Variants in FGF13 observed in about 807,000 individuals in gnomAD.
FGF13 encodes fibroblast growth factor 13.
FGF13 carries 2 observed loss-of-function variants against 19.5 expected under a neutral mutation model. The ratio of observed to expected loss-of-function variants is 0.10; its 90% confidence interval spans 0.04 to 0.32. The LOEUF is 0.32. FGF13 is among the 10% of genes least tolerant of loss of function. The pLI is 1.00. For synonymous variants in FGF13, 72 were observed against 76.9 expected, an observed-to-expected ratio of 0.94 and a Z score of 0.33; for missense variants, 113 against 192.7, an observed-to-expected ratio of 0.59 and a Z score of 2.45.
chrX:138,754,239 G>A (rs1419883089), intron 3 of FGF13, among the ~76,000 whole-genome samples: 1 of 111,719 alleles, frequency 9.0e-6, no homozygotes, highest in Non-Finnish European at 1.9e-5. Flanking sequence ...ATAATTCAGT[G>A]TATGCATATA....
chrX:138,773,877 C>A (rs1416856703), intron 3 of FGF13, among the ~76,000 whole-genome samples: 2 of 111,927 alleles, frequency 1.8e-5, no homozygotes, highest in East Asian at 5.6e-4. Flanking sequence ...GCTATTTCAG[C>A]TGATTTTGTT....
At chrX:138,734,781 C>T (rs2090260271) in intron 1 of FGF13, among the ~76,000 whole-genome samples, 2 of 111,957 alleles carry the variant, frequency 1.8e-5, no homozygotes, top group South Asian at 7.4e-4. Context: ...TAGAAGCTAG[C>T]TGGGCAGCCA....
intron 1 of FGF13, among the ~76,000 whole-genome samples, chrX:139,134,068 T>C (rs1034684363): frequency 9.0e-6 from 1 of 111,586 alleles, no homozygotes; most frequent in East Asian, 2.9e-4. Context: ...TCTTTCCATT[T>C]TTCCCACCTG....
intron 1 of FGF13, among the ~76,000 whole-genome samples, chrX:138,959,122 G>A (rs750642694): frequency 1.3e-4 from 14 of 111,418 alleles, no homozygotes; most frequent in South Asian, 3.8e-4. Context: ...TTAGGGTGTC[G>A]ATTTTAGATC....
Position 138,798,338 on chromosome X carries a change from G to T in FGF13, c.217+59174C>A, listed in dbSNP as rs747171327. 3.6e-5 allele frequency among the ~76,000 whole-genome samples: 4 copies of T among 111,821 alleles called. No homozygotes were observed. In the South Asian group the frequency reaches 1.5e-3, roughly 42 times the overall value. On this transcript the variant is annotated intron_variant, in intron 3 of 6. Coordinates refer to the FGF13 transcript ENST00000436198. ...GATAAACCATGAGGTTTTTGTCATT[G>T]GATCTGTTTATGTGATGGATTACAT...
intron 1 of FGF13, chrX:138,985,176 A>T (rs1329834138): frequency 3.6e-6 from 1 of 278,269 alleles, no homozygotes; most frequent in Non-Finnish European, 7.0e-6. Flanking sequence ...GATCACACTG[A>T]ATATGTTGTG....
intron 1 of FGF13, among the ~76,000 whole-genome samples, chrX:138,963,361 A>G (rs2091882483): frequency 8.9e-6 from 1 of 112,677 alleles, no homozygotes; most frequent in African/African-American, 3.2e-5. Context: ...TTTGCTTTGC[A>G]TTGACTAGCC....
intron 3 of FGF13, among the ~76,000 whole-genome samples, chrX:138,649,479 C>G (rs1421618866): frequency 1.8e-5 from 2 of 111,410 alleles, no homozygotes; most frequent in Non-Finnish European, 1.9e-5. Flanking sequence ...CAGGGTGTAC[C>G]AGATATACAT....
intron 1 of FGF13, among the ~76,000 whole-genome samples, chrX:139,105,923 C>T (rs991990468): frequency 8.9e-6 from 1 of 111,906 alleles, no homozygotes; most frequent in Non-Finnish European, 1.9e-5. Context: ...AAGTAAACTT[C>T]CCTCAAGAAA....
At chrX:139,083,062 C>T (rs1002793583) in intron 1 of FGF13, among the ~76,000 whole-genome samples, 1 of 110,624 alleles carries the variant, frequency 9.0e-6, no homozygotes, top group African/African-American at 3.3e-5. Flanking sequence ...GCTTATAGTG[C>T]TCGCTTTCTG....
chrX:138,821,928 C>G (rs775869368), intron 3 of FGF13, among the ~76,000 whole-genome samples: 1 of 111,423 alleles, frequency 9.0e-6, no homozygotes, highest in Admixed American at 9.5e-5. Context: ...GAAGGAGAAC[C>G]AAGGCTCATA....
In FGF13 at chrX:138,874,785, G is replaced by T. The variant is rs1002287736; in HGVS notation, c.-112-10135C>A. Among the ~76,000 whole-genome samples, 79 of 111,799 alleles carry T rather than the reference G, an allele frequency of 7.1e-4. 1 individual carries two copies. The highest frequency in any genetic ancestry group is 6.0e-4 in the Non-Finnish European group (32 of 53,215). On this transcript the variant is annotated intron_variant, in intron 1 of 2. Transcript: ENST00000421460. ...TCCTGGTCAGCAGAAGAGTAACTTG[G>T]TTCTCTTTTTGATATCTATACTTAG... is the stretch of plus-strand genomic sequence containing the variant.
chrX:138,645,589 C>A (rs1439607725), intron 3 of FGF13, among the ~76,000 whole-genome samples: 3 of 112,121 alleles, frequency 2.7e-5, no homozygotes, highest in Admixed American at 1.9e-4. Flanking sequence ...AGTGGAAATG[C>A]TCGACAACTA....
At chrX:138,677,727 G>A (rs1413063085) in intron 3 of FGF13, among the ~76,000 whole-genome samples, 6 of 112,342 alleles carry the variant, frequency 5.3e-5, no homozygotes, top group African/African-American at 1.9e-4. Flanking sequence ...TTACACTATT[G>A]GTGGGACTGT....
chrX:138,939,104 C>A (rs1355981581), intron 1 of FGF13, among the ~76,000 whole-genome samples: 1 of 112,042 alleles, frequency 8.9e-6, no homozygotes, highest in Admixed American at 9.5e-5. Context: ...GTATTTAAAG[C>A]CATTTCCTAA....
Position 138,984,579 on chromosome X carries a change from AAGAAGAAGAAGGAGG to A in FGF13, c.-112-119944_-112-119930del, listed in dbSNP as rs1206836324. On this transcript the variant is annotated intron_variant, in intron 1 of 2. Transcript: ENST00000421460. Reference sequence around the variant, plus strand: ...GAAGAAGAAGAAGAAGAAGAAGAAGAAGAAGAAGAAGGAGGAGGAGGAGGAGGAGGAGGAGGATGA... The same window carrying A: ...GAAGAAGAAGAAGAAGAAGAAGAAGAAGGAGGAGGAGGAGGAGGAGGATGA... 1.9e-3 allele frequency among the ~76,000 whole-genome samples: 92 copies of A among 49,443 alleles called. 1 individual carries two copies. The highest frequency in any genetic ancestry group is 7.2e-3 in the African/African-American group (90 of 12,507). The allele number at this position is 49,443 out of a possible 115,157, so 42.9% of individuals were successfully genotyped here.
intron 1 of FGF13, among the ~76,000 whole-genome samples, chrX:139,176,632 G>A (rs1284199647): frequency 9.0e-6 from 1 of 110,884 alleles, no homozygotes; most frequent in African/African-American, 3.3e-5. Context: ...GTTCTCGTTG[G>A]TTTCAAAGAA....
intron 2 of FGF13, among the ~76,000 whole-genome samples, chrX:138,859,019 T>C (rs2091274314): frequency 8.9e-6 from 1 of 112,336 alleles, no homozygotes; most frequent in African/African-American, 3.2e-5. Flanking sequence ...AAGATGGTGA[T>C]GCTGATATTT....
At chrX:138,730,067 T>A (rs2090216766) in intron 1 of FGF13, among the ~76,000 whole-genome samples, 1 of 110,357 alleles carries the variant, frequency 9.1e-6, no homozygotes, top group Non-Finnish European at 1.9e-5. Context: ...TGAAGGAAAA[T>A]TATATCACAT....
Sources: allele counts gnomAD v4.1 joint callset (sites outside exome capture counted in the v4.1 genomes callset), GRCh38; gene constraint gnomAD v4.1.1; transcripts MANE v1.5; gene names NCBI Gene and HGNC (gene_info 2026-07-23, HGNC 2026-07-21).